Variants in ANAPC10 observed in about 807,000 individuals in gnomAD.
The protein encoded by ANAPC10 is anaphase-promoting complex subunit 10.
ANAPC10 carries 12 observed loss-of-function variants against 22.0 expected under a neutral mutation model. The ratio of observed to expected loss-of-function variants is 0.55; its 90% CI spans 0.35 to 0.88. The LOEUF is 0.88. Among genes scored for constraint, ANAPC10 ranks in the 40% least tolerant of loss-of-function variants. The probability of loss-of-function intolerance (pLI) is 0.01; values close to 1 mark genes in which losing one functional copy is unlikely to be tolerated. For synonymous variants in ANAPC10, 65 were observed against 69.5 expected, an observed-to-expected ratio of 0.94 and a Z score of 0.32; for missense variants, 188 against 220.9, an observed-to-expected ratio of 0.85 and a Z score of 0.94.
chr4:145,074,466 T>A (rs998489932), intron 3 of ANAPC10, among the ~76,000 whole-genome samples: 1 of 152,158 alleles, frequency 6.6e-6, no homozygotes, highest in Non-Finnish European at 1.5e-5. Flanking sequence ...CCAAGAAATA[T>A]GAAAATTTTC....
At chr4:144,997,480 C>T (rs953786552) in intron 4 of ANAPC10, among the ~76,000 whole-genome samples, 1 of 152,128 alleles carries the variant, frequency 6.6e-6, no homozygotes, top group East Asian at 1.9e-4. Context: ...GCATATCCAG[C>T]CAAACTAAGC....
chr4:145,070,524 G>T lies in ANAPC10; in HGVS notation c.207-5832C>A, dbSNP rs34073738. 6.5e-3 allele frequency among the ~76,000 whole-genome samples: 986 copies of T among 152,280 alleles called. 9 individuals carry two copies. The highest frequency in any genetic ancestry group is 0.011 in the Non-Finnish European group (739 of 68,020). On this transcript the variant is annotated intron_variant, in intron 3 of 4. Transcript: ENST00000507656. ...TGTTGGCATGGATGTGGAGAAACTG[G>T]AACTTCTGGGCATTACCAGTGGGAA... is the stretch of plus-strand genomic sequence containing the variant.
At chr4:145,016,280 T>C (rs1578916793) in intron 4 of ANAPC10, among the ~76,000 whole-genome samples, 1 of 152,156 alleles carries the variant, frequency 6.6e-6, no homozygotes, top group African/African-American at 2.4e-5. Flanking sequence ...AGTCTCAGGA[T>C]ACAAAATCAA....
At chr4:145,008,865 AG>A (rs1180404657) in intron 4 of ANAPC10, among the ~76,000 whole-genome samples, 1 of 152,130 alleles carries the variant, frequency 6.6e-6, no homozygotes, top group African/African-American at 2.4e-5. Flanking sequence ...AAAGAAATAA[AG>A]GGCATTCAAT....
intron 4 of ANAPC10, among the ~76,000 whole-genome samples, chr4:145,047,329 G>A (rs1055158313): frequency 1.3e-5 from 2 of 152,114 alleles, no homozygotes; most frequent in Non-Finnish European, 2.9e-5. Flanking sequence ...TGCAGGTTAT[G>A]AAACAGACTG....
chr4:145,084,694 C>T (rs1382301338), intron 2 of ANAPC10, among the ~76,000 whole-genome samples: 1 of 152,154 alleles, frequency 6.6e-6, no homozygotes, highest in Non-Finnish European at 1.5e-5. Flanking sequence ...TTACTTCTTC[C>T]GTAACTCTTA....
chr4:145,067,363 A>T (rs1177603437), intron 3 of ANAPC10, among the ~76,000 whole-genome samples: 1 of 152,090 alleles, frequency 6.6e-6, no homozygotes, highest in Non-Finnish European at 1.5e-5. Context: ...ATATTACAAG[A>T]GTGGGGAAGG....
At chr4:145,022,817 A>C (rs1462721790) in intron 4 of ANAPC10, among the ~76,000 whole-genome samples, 1 of 151,988 alleles carries the variant, frequency 6.6e-6, no homozygotes, top group Non-Finnish European at 1.5e-5. Context: ...AAAAAAATTA[A>C]AAACAGCATC....
At chr4:145,066,752 C>T (rs962839883) in intron 3 of ANAPC10, among the ~76,000 whole-genome samples, 1 of 135,326 alleles carries the variant, frequency 7.4e-6, no homozygotes, top group Non-Finnish European at 1.6e-5. Context: ...CAAATAGGAA[C>T]TTTTATTTCT....
chr4:145,064,320 T>C (rs1288153220), intron 4 of ANAPC10: 5 of 263,354 alleles, frequency 1.9e-5, no homozygotes, highest in African/African-American at 1.1e-4. Context: ...GAAGTGAGTA[T>C]ACTGGCATTC....
chr4:145,073,370 G>A (rs1744754676), intron 3 of ANAPC10, among the ~76,000 whole-genome samples: 1 of 152,126 alleles, frequency 6.6e-6, no homozygotes, highest in African/African-American at 2.4e-5. Context: ...CCTGTTACCT[G>A]ATATTTTTTA....
intron 4 of ANAPC10, among the ~76,000 whole-genome samples, chr4:145,061,625 T>C (rs987877666): frequency 1.3e-5 from 2 of 152,210 alleles, no homozygotes; most frequent in African/African-American, 4.8e-5. Flanking sequence ...AGGAGCTATA[T>C]GATAAATCTT....
intron 4 of ANAPC10, among the ~76,000 whole-genome samples, chr4:145,055,634 T>C (rs1228922770): frequency 1.3e-5 from 2 of 152,078 alleles, no homozygotes; most frequent in Non-Finnish European, 2.9e-5. Context: ...GAGTACATTA[T>C]GCTAAGTGAA....
At chr4:145,025,824 G>A (rs1736580179) in intron 4 of ANAPC10, among the ~76,000 whole-genome samples, 1 of 152,140 alleles carries the variant, frequency 6.6e-6, no homozygotes, top group South Asian at 2.1e-4. Context: ...AAAGAGAAGT[G>A]CAATAAAATG....
intron 4 of ANAPC10, among the ~76,000 whole-genome samples, chr4:145,048,231 T>C (rs1579029860): frequency 6.6e-6 from 1 of 152,292 alleles, no homozygotes; most frequent in Non-Finnish European, 1.5e-5. Flanking sequence ...ATGTGGTAGG[T>C]ACTCAGCTAC....
intron 4 of ANAPC10, among the ~76,000 whole-genome samples, chr4:145,020,151 A>C (rs1325357185): frequency 6.6e-6 from 1 of 152,200 alleles, no homozygotes; most frequent in Non-Finnish European, 1.5e-5. Flanking sequence ...CCACAGACCC[A>C]TATCCCTGAT....
chr4:145,072,111 T>A (rs1744574065), intron 3 of ANAPC10, among the ~76,000 whole-genome samples: 1 of 152,142 alleles, frequency 6.6e-6, no homozygotes, highest in Non-Finnish European at 1.5e-5. Flanking sequence ...AAAGAAACTT[T>A]AAAGCAAGAT....
intron 2 of ANAPC10, among the ~76,000 whole-genome samples, chr4:145,088,460 T>C (rs1747209315): frequency 6.6e-6 from 1 of 152,174 alleles, no homozygotes. Flanking sequence ...CCAAAATCTA[T>C]TTACTCCCTC....
At chr4:145,085,243 C>A (rs1364234854) in intron 2 of ANAPC10, among the ~76,000 whole-genome samples, 1 of 151,762 alleles carries the variant, frequency 6.6e-6, no homozygotes, top group South Asian at 2.1e-4. Flanking sequence ...GGCAACAGTG[C>A]GAGAAACGGA....
Sources: allele counts gnomAD v4.1 joint callset (sites outside exome capture counted in the v4.1 genomes callset), GRCh38; gene constraint gnomAD v4.1.1; transcripts MANE v1.5; gene names NCBI Gene and HGNC (gene_info 2026-07-23, HGNC 2026-07-21).